Variants in TMEM259 observed in about 807,000 individuals in gnomAD.
TMEM259 encodes the protein membralin.
Under a neutral mutation model 46.7 loss-of-function variants are expected in TMEM259, and 26 were observed. The ratio of observed to expected loss-of-function variants is 0.56; its 90% CI spans 0.41 to 0.77. TMEM259 has a LOEUF of 0.77. Among genes scored for constraint, TMEM259 ranks in the 30% least tolerant of loss-of-function variants. TMEM259 has a pLI of 0.00. For synonymous variants in TMEM259, 494 were observed against 395.1 expected (o/e 1.25, Z -2.97); for missense variants, 930 against 900.5 (o/e 1.03, Z -0.42).
intron 1 of TMEM259, among the ~76,000 whole-genome samples, chr19:1,016,542 T>C (rs550943804): frequency 1.3e-5 from 2 of 152,336 alleles, no homozygotes; most frequent in East Asian, 3.9e-4. Flanking sequence ...TGTGCCAAGA[T>C]GTTCCAAAAA....
chr19:1,019,902 C>T (rs2039232748), intron 1 of TMEM259, among the ~76,000 whole-genome samples: 1 of 152,200 alleles, frequency 6.6e-6, no homozygotes, highest in African/African-American at 2.4e-5. Flanking sequence ...GCTACTGAGC[C>T]CCTCTTGTCA....
chr19:1,012,424 C>A, intron 4 of TMEM259, 39 bp downstream of exon 4: 1 of 1,544,260 alleles, frequency 6.5e-7, no homozygotes, highest in East Asian at 2.4e-5. Context: ...AGGGGAGGCC[C>A]CGCCATGGAG....
At chr19:1,013,879 C>T (rs1179265567) in intron 2 of TMEM259, among the ~76,000 whole-genome samples, 1 of 152,130 alleles carries the variant, frequency 6.6e-6, no homozygotes, top group East Asian at 1.9e-4. Flanking sequence ...TATTGCTGCC[C>T]ACTGCATCCC....
chr19:1,013,094 T>G, intron 3 of TMEM259, 147 bp downstream of exon 3: 1 of 666,002 alleles, frequency 1.5e-6, no homozygotes, highest in Non-Finnish European at 2.6e-6. Flanking sequence ...TGCTGACAGA[T>G]GGGGAAATCG....
At chr19:1,016,092 G>C (rs968292745) in intron 1 of TMEM259, among the ~76,000 whole-genome samples, 1 of 152,196 alleles carries the variant, frequency 6.6e-6, no homozygotes, top group African/African-American at 2.4e-5. Context: ...AGCCGCAGGG[G>C]ATGAAGGCTG....
intron 1 of TMEM259, 147 bp from the exon 2 acceptor site, chr19:1,014,620 G>A (rs1349108587): frequency 1.4e-5 from 13 of 928,080 alleles, no homozygotes; most frequent in Admixed American, 5.3e-5. Context: ...TGGGCTCTGA[G>A]GACCCTGGGT....
rs2039261987 is a variant in TMEM259 at position 1,020,629 on chromosome 19, A to G, written c.225+143T>C. On this transcript the variant is annotated intron_variant, in intron 1 of 10. Coordinates refer to ENST00000356663, the MANE Select transcript of TMEM259 (RefSeq NM_001033026.2). This position sits in a 1 kb window ranked among gnomAD's most constrained non-coding sequence, Gnocchi z 4.0. ...TCAGAGGTCGCGAGGGAGAGCCCTA[A>G]TCGGTAGGGCCGGGTATAGGCCTCA... is the stretch of plus-strand genomic sequence containing the variant. 2.0e-6 allele frequency: 1 copy of G among 506,692 alleles called. No individual in the cohort carries two copies. The highest frequency in any genetic ancestry group is 3.1e-6 in the Non-Finnish European group (1 of 324,634). The allele number at this position is 506,692 out of a possible 1,614,324, so 31.4% of individuals were successfully genotyped here. A position where few individuals can be genotyped will look rare whatever the true frequency, so the allele number is the denominator to read the frequency against.
At position 1,010,575 on chromosome 19, in the gene TMEM259, G is replaced by A. The variant is rs1027470607; in HGVS notation, c.1638C>T (p.Ala546=). 4.1e-5 allele frequency: 63 copies of A among 1,549,944 alleles called. No individual in the cohort carries two copies. Among genetic ancestry groups the A allele is most frequent in the East Asian group, 1.9e-4 (8 of 41,118 alleles). ...ACAGGAAGGAGGCGTCTGTGATGAT[G>A]GCAGCGGTCTCTGCCATCCAACCCA... The part of the protein sequence containing the change: ...GDLGWMAETA[A]IITDASFLSG... Residue 546 remains alanine (A), a synonymous_variant, in exon 11 of 11, where the codon GCC becomes GCT. Coordinates refer to ENST00000356663, the MANE Select transcript of TMEM259 (RefSeq NM_001033026.2).
Position 1,009,695 on chromosome 19 carries a change from G to A in TMEM259, c.*655C>T, listed in dbSNP as rs975320708. On this transcript the variant is annotated 3_prime_UTR_variant, in exon 11 of 11. Transcript: ENST00000356663. ...TTATTCTATATACAAACACAATTTT[G>A]TACACTGCAATTAAATAGAATGGAA... The A allele has an allele frequency of 1.5e-5, 16 of 1,055,298 alleles. No individual in the cohort carries two copies. The highest frequency in any genetic ancestry group is 2.0e-5 in the Non-Finnish European group (16 of 794,664). The allele number at this position is 1,055,298 out of a possible 1,614,324, so 65.4% of individuals were successfully genotyped here. A position where few individuals can be genotyped will look rare whatever the true frequency, so the allele number is the denominator to read the frequency against.
chr19:1,011,880 C>G lies in TMEM259; in HGVS notation c.942+12G>C. ...GCCCGGCCAGCCCCCGCACCCGCCC[C>G]GAGGCACTCACGAAGATGACCATGA... On this transcript the variant is annotated intron_variant, in intron 6 of 10. Coordinates refer to ENST00000356663, the MANE Select transcript of TMEM259 (RefSeq NM_001033026.2). 1 of 1,605,682 alleles carries G rather than the reference C, an allele frequency of 6.2e-7. No individual in the cohort carries two copies. The highest frequency in any genetic ancestry group is 8.5e-7 in the Non-Finnish European group (1 of 1,175,370).
intron 3 of TMEM259, 116 bp downstream of exon 3, chr19:1,013,125 C>T (rs540937654): frequency 7.5e-5 from 69 of 916,914 alleles, no homozygotes; most frequent in African/African-American, 5.4e-4. Flanking sequence ...GTGCCCTCAA[C>T]GGTCCAGGAC....
chr19:1,010,528 A>G lies in TMEM259; in HGVS notation c.1685T>C (p.Leu562Pro), dbSNP rs1376973414. ...SFLSGLSASL[L>P]ERRPASPLGP... is the part of the protein sequence containing the mutation. ...CAGCGGGCTGGCTGGACGCCGCTCC[A>G]GGAGGGAGGCGCTCAGGCCGGACAG... Residue 562 changes from leucine (L) to proline (P), a missense_variant, in exon 11 of 11, where the codon CTG (leucine) becomes CCG (proline). Coordinates refer to ENST00000356663, the MANE Select transcript of TMEM259 (RefSeq NM_001033026.2). 6.5e-7 allele frequency: 1 copy of G among 1,548,046 alleles called. No homozygotes were observed.
rs776210172 is a variant in TMEM259, at chr19:1,011,908, G to A, written c.926C>T (p.Ala309Val). The A allele has an allele frequency of 1.9e-6, 3 of 1,610,378 alleles. No individual in the cohort carries two copies. The highest frequency in any genetic ancestry group is 2.2e-5 in the South Asian group (2 of 91,014). ...GGCACTCACGAAGATGACCATGATG[G>A]CGAAGGCGGCCAGGTAGGACGTCCG... is the stretch of plus-strand genomic sequence containing the variant. ...MARTSYLAAF[A>V]IMVIFTLSVS... The change falls in exon 6 of 11, where the codon GCC (alanine) becomes GTC (valine). Residue 309 changes from alanine (A) to valine (V), a missense_variant. Physicochemically the swap from Ala to Val is moderately conservative, Grantham distance 64. Coordinates refer to ENST00000356663, the MANE Select transcript of TMEM259 (RefSeq NM_001033026.2).
At position 1,021,116 on chromosome 19, in the gene TMEM259, G is replaced by T. The variant is rs2039281526; in HGVS notation, c.-120C>A. 2.7e-6 allele frequency: 3 copies of T among 1,122,258 alleles called. No individual in the cohort carries two copies. The highest frequency in any genetic ancestry group is 1.7e-5 in the African/African-American group (1 of 60,508). The allele number at this position is 1,122,258 out of a possible 1,614,324, so 69.5% of individuals were successfully genotyped here. A position where few individuals can be genotyped will look rare whatever the true frequency, so the allele number is the denominator to read the frequency against. ...CTCCCGGCCGCCGCCGCCATCTTCCGCTTTCTCGTCCGGCTGCGGCGCTGC... is the reference window on the plus strand; with the variant it reads ...CTCCCGGCCGCCGCCGCCATCTTCCTCTTTCTCGTCCGGCTGCGGCGCTGC... On this transcript the variant is annotated 5_prime_UTR_variant, in exon 1 of 11. Coordinates refer to ENST00000356663, the MANE Select transcript of TMEM259 (RefSeq NM_001033026.2).
At position 1,010,648 on chromosome 19, in the gene TMEM259, G is replaced by T; in HGVS notation, c.1565C>A (p.Ser522Tyr). 6.5e-7 allele frequency: 1 copy of T among 1,540,454 alleles called. No individual in the cohort carries two copies. Among genetic ancestry groups the T allele is most frequent in the Non-Finnish European group, 8.7e-7 (1 of 1,147,600 alleles). ...SPGPVAAAPSSLVAAAASVAA... is the reference protein window; with the variant it reads ...SPGPVAAAPSYLVAAAASVAA... ...CACTGAGGCTGCCGCGGCCACCAGG[G>T]AGCTGGGCGCCGCTGCCACAGGCCC... is the stretch of plus-strand genomic sequence containing the variant. The change falls in exon 11 of 11, where the codon TCC becomes TAC. Residue 522 changes from serine to tyrosine, a missense_variant. Coordinates refer to ENST00000356663, the MANE Select transcript of TMEM259 (RefSeq NM_001033026.2).
rs925482309 is a variant in TMEM259 at position 1,020,148 on chromosome 19, G to T, written c.225+624C>A. Among the ~76,000 whole-genome samples the T allele has an allele frequency of 2.0e-5, 3 of 152,100 alleles. No homozygotes were observed. Among genetic ancestry groups the T allele is most frequent in the African/African-American group, 7.2e-5 (3 of 41,414 alleles). On this transcript the variant is annotated intron_variant, in intron 1 of 10. Transcript: ENST00000356663. The surrounding 1 kb of genome is among the most constrained non-coding windows in gnomAD (Gnocchi z 4.0). ...GTGGTACGCTGCTGCCGGTGACTTTGCCGCTAACCCTAGCGAGGTGACCTC... is the reference window on the plus strand; with the variant it reads ...GTGGTACGCTGCTGCCGGTGACTTTTCCGCTAACCCTAGCGAGGTGACCTC...
intron 1 of TMEM259, among the ~76,000 whole-genome samples, chr19:1,019,937 G>C (rs936951811): frequency 3.9e-5 from 6 of 152,160 alleles, no homozygotes; most frequent in African/African-American, 1.2e-4. Flanking sequence ...CTTCTCAGAG[G>C]GAGTCAGGCC....
In TMEM259 at chr19:1,010,445, C is replaced by T. The variant is rs768298504; in HGVS notation, c.1768G>A (p.Ala590Thr). Residue 590 changes from alanine (A) to threonine (T), a missense_variant, in exon 11 of 11, where the codon GCA (alanine) becomes ACA (threonine). Ala to Thr is a moderately conservative substitution (Grantham distance 58). Coordinates refer to ENST00000356663, the MANE Select transcript of TMEM259 (RefSeq NM_001033026.2). ...PQDSVPPSDSAASDTTPLGAA... is the reference protein window; with the variant it reads ...PQDSVPPSDSTASDTTPLGAA... ...CCCAGGGGAGTTGTGTCAGAAGCTG[C>T]GGAGTCACTCGGGGGGACACTGTCC... is the stretch of plus-strand genomic sequence containing the variant. The T allele has an allele frequency of 9.1e-6, 14 of 1,531,806 alleles. No homozygotes were observed. Among genetic ancestry groups the T allele is most frequent in the South Asian group, 4.9e-5 (4 of 82,338 alleles). 94.9% of individuals were successfully genotyped at this position (1,531,806 alleles called of 1,614,324 possible). A position where few individuals can be genotyped will look rare whatever the true frequency, so the allele number is the denominator to read the frequency against.
In TMEM259 at chr19:1,012,111, G is replaced by C; in HGVS notation, c.796C>G (p.Leu266Val). 6.2e-7 allele frequency: 1 copy of C among 1,611,326 alleles called. No homozygotes were observed. The change falls in exon 5 of 11, where the codon CTC becomes GTC. Residue 266 changes from leucine (L) to valine (V), a missense_variant. Leu to Val is a conservative substitution (Grantham distance 32). Transcript: ENST00000356663. ...LDEFLGYDDI[L>V]MSSVKGLAEN... ...GCCAGGCCCTTCACGCTGGACATGA[G>C]GATGTCATCGTAGCCCAGGAACTCA...
Sources: allele counts gnomAD v4.1 joint callset (sites outside exome capture counted in the v4.1 genomes callset), GRCh38; gene constraint gnomAD v4.1.1; non-coding constraint Gnocchi (gnomAD v3.1); transcripts MANE v1.5; gene names NCBI Gene and HGNC (gene_info 2026-07-23, HGNC 2026-07-21).